Variants in CAB39 observed in about 807,000 individuals in gnomAD.
The protein encoded by CAB39 is calcium binding protein 39, also known as calcium-binding protein 39.
Under a neutral mutation model 40.0 loss-of-function variants are expected in CAB39, and 8 were observed. The observed-to-expected ratio is 0.20, with a 90% CI of 0.12 to 0.36. CAB39 has a LOEUF of 0.36. Among genes scored for constraint, CAB39 ranks in the 10% least tolerant of loss-of-function variants. The pLI, the probability that CAB39 is intolerant of heterozygous loss-of-function variation, is 1.00. For synonymous variants in CAB39, 156 were observed against 141.6 expected (o/e 1.10, Z -0.72); for missense variants, 270 against 401.1 (o/e 0.67, Z 2.79).
intron 2 of CAB39, among the ~76,000 whole-genome samples, chr2:230,771,613 C>G (rs1258277236): frequency 6.6e-6 from 1 of 152,066 alleles, no homozygotes; most frequent in Non-Finnish European, 1.5e-5. Flanking sequence ...AGAGTTTGTT[C>G]TAAAATTTGA....
At chr2:230,722,394 C>T (rs939791668) in intron 1 of CAB39, among the ~76,000 whole-genome samples, 3 of 152,262 alleles carry the variant, frequency 2.0e-5, no homozygotes, top group African/African-American at 2.4e-5. Context: ...TGGGCTCAAG[C>T]GATCCTCCTG....
intron 1 of CAB39, among the ~76,000 whole-genome samples, chr2:230,740,683 CA>C (rs1694861143): frequency 6.6e-6 from 1 of 152,088 alleles, no homozygotes. Flanking sequence ...CAATAGGGTT[CA>C]CGCTCCTGTG....
At chr2:230,802,031 C>G (rs1696099223) in intron 5 of CAB39, among the ~76,000 whole-genome samples, 1 of 151,792 alleles carries the variant, frequency 6.6e-6, no homozygotes. Flanking sequence ...TTCCAATGTT[C>G]TAGAATAAAA....
intron 2 of CAB39, among the ~76,000 whole-genome samples, chr2:230,763,096 TAA>T (rs1575929155): frequency 6.6e-6 from 1 of 152,206 alleles, no homozygotes; most frequent in African/African-American, 2.4e-5. Context: ...TTAAAAGTAA[TAA>T]ACTCATTACA....
intron 1 of CAB39, among the ~76,000 whole-genome samples, chr2:230,738,278 A>C (rs1694821094): frequency 6.6e-6 from 1 of 152,242 alleles, no homozygotes; most frequent in African/African-American, 2.4e-5. Context: ...ACCACTTATC[A>C]TTCATGCCAT....
rs568942377 is a variant in CAB39, at chr2:230,727,833, C to T, written c.-44+14603C>T. 4.6e-5 allele frequency among the ~76,000 whole-genome samples: 7 copies of T among 152,154 alleles called. 1 individual carries two copies. In the South Asian group the frequency reaches 1.5e-3, roughly 32 times the overall value. On this transcript the variant is annotated intron_variant, in intron 1 of 8. Coordinates refer to ENST00000258418, the MANE Select transcript of CAB39 (RefSeq NM_016289.4). ...TATATACTCTTATATAAATGATATA[C>T]CTAACATAAATACCCATATATAAAT...
chr2:230,802,507 C>T (rs919735745), intron 5 of CAB39, among the ~76,000 whole-genome samples: 4 of 151,840 alleles, frequency 2.6e-5, no homozygotes, highest in East Asian at 3.8e-4. Context: ...ATTGATAGAC[C>T]GCTAGCAAGA....
chr2:230,786,772 C>G (rs1695801912), intron 2 of CAB39, among the ~76,000 whole-genome samples: 1 of 152,074 alleles, frequency 6.6e-6, no homozygotes, highest in African/African-American at 2.4e-5. Context: ...TTCTTCCTGT[C>G]AAAGAGAATT....
chr2:230,735,268 G>A (rs1183454301), intron 1 of CAB39, among the ~76,000 whole-genome samples: 2 of 151,720 alleles, frequency 1.3e-5, no homozygotes, highest in African/African-American at 4.8e-5. Context: ...CCGGGTTCAA[G>A]CAATTCTCCT....
chr2:230,755,062 T>TACAC (rs572391133), intron 1 of CAB39, among the ~76,000 whole-genome samples: 5 of 151,600 alleles, frequency 3.3e-5, no homozygotes, highest in East Asian at 1.9e-4. Flanking sequence ...TATACATACA[T>TACAC]ACACACACAC....
intron 5 of CAB39, among the ~76,000 whole-genome samples, chr2:230,806,581 A>G (rs145083230): frequency 1.5e-4 from 23 of 152,312 alleles, no homozygotes; most frequent in African/African-American, 5.3e-4. Context: ...AACTGGAAGT[A>G]TTTAGCCTGG....
intron 7 of CAB39, among the ~76,000 whole-genome samples, chr2:230,815,221 C>T (rs1696379359): frequency 6.6e-6 from 1 of 152,262 alleles, no homozygotes; most frequent in Admixed American, 6.5e-5. Context: ...AGCAGGGCAT[C>T]CGTGACAGCC....
In CAB39 at chr2:230,780,844, A is replaced by AGG. The variant is rs1298564380; in HGVS notation, c.115-10027_115-10026dup. On this transcript the variant is annotated intron_variant, in intron 2 of 8. Transcript: ENST00000258418. ...ATGCCTGTAATCCCAACACTTTGAG[A>AGG]GGCTGAGGGGGCTGATAACTCGAGC... Among the ~76,000 whole-genome samples, 3 of 152,086 alleles carry AGG rather than the reference A, an allele frequency of 2.0e-5. No individual in the cohort carries two copies. The East Asian group carries it at 5.8e-4, about 29-fold the overall frequency.
At chr2:230,721,591 A>ATAAGTTCCACGTAAAGCCG (rs1694454454) in intron 1 of CAB39, among the ~76,000 whole-genome samples, 1 of 152,236 alleles carries the variant, frequency 6.6e-6, no homozygotes, top group African/African-American at 2.4e-5. Flanking sequence ...CTTTTCGCAG[A>ATAAGTTCCACGTAAAGCCG]TAAGTTCCAC....
At chr2:230,799,905 G>A (rs535410358) in intron 5 of CAB39, among the ~76,000 whole-genome samples, 24 of 151,454 alleles carry the variant, frequency 1.6e-4, no homozygotes, top group Non-Finnish European at 3.1e-4. Context: ...CAGGAGAATC[G>A]CTTGAACCCA....
At chr2:230,751,171 T>C (rs953568411) in intron 1 of CAB39, among the ~76,000 whole-genome samples, 1 of 152,254 alleles carries the variant, frequency 6.6e-6, no homozygotes, top group Non-Finnish European at 1.5e-5. Context: ...AACTATCTTA[T>C]GATGTGTGGG....
At chr2:230,754,991 A>G (rs1695165121) in intron 1 of CAB39, among the ~76,000 whole-genome samples, 1 of 152,222 alleles carries the variant, frequency 6.6e-6, no homozygotes, top group African/African-American at 2.4e-5. Flanking sequence ...CTCCAGTCTC[A>G]TACAGGTTGC....
intron 1 of CAB39, chr2:230,713,886 C>G (rs1288208847): frequency 6.6e-6 from 1 of 152,260 alleles, no homozygotes; most frequent in Non-Finnish European, 1.5e-5. Flanking sequence ...ACTGCGATAC[C>G]GGGAAGGAGG....
rs571491051 is a variant in CAB39 at position 230,727,748 on chromosome 2, G to A, written c.-44+14518G>A. Reference sequence around the variant, plus strand: ...TGGAATATATTAAATATATATTAAAGGCCATGCCCTCGCAACCAGCTAGGG... The same window carrying A: ...TGGAATATATTAAATATATATTAAAAGCCATGCCCTCGCAACCAGCTAGGG... On this transcript the variant is annotated intron_variant, in intron 1 of 8. Transcript: ENST00000258418. Among the ~76,000 whole-genome samples the A allele has an allele frequency of 2.6e-5, 4 of 152,034 alleles. 1 individual carries two copies. In the East Asian group the frequency reaches 5.8e-4, roughly 22 times the overall value.
Sources: allele counts gnomAD v4.1 joint callset (sites outside exome capture counted in the v4.1 genomes callset), GRCh38; gene constraint gnomAD v4.1.1; transcripts MANE v1.5; gene names NCBI Gene and HGNC (gene_info 2026-07-23, HGNC 2026-07-21).